TRPC7: variants seen among roughly 807,000 people sequenced by gnomAD.
TRPC7 encodes the protein transient receptor potential cation channel subfamily C member 7, also known as short transient receptor potential channel 7.
In TRPC7, 42 loss-of-function variants were observed where a neutral mutation model predicts 90.1. The observed-to-expected ratio is 0.47, with a 90% CI of 0.36 to 0.60. The LOEUF (loss-of-function observed/expected upper bound fraction) is 0.60. TRPC7 is among the 20% of genes least tolerant of loss of function. The pLI, the probability that TRPC7 is intolerant of heterozygous loss-of-function variation, is 0.00. For missense variants in TRPC7, 955 were observed against 1,112.3 expected, an observed-to-expected ratio of 0.86 and a Z score of 2.01; for synonymous variants, 451 against 436.3, an observed-to-expected ratio of 1.03 and a Z score of -0.42.
chr5:136,245,179 C>A (rs1194845934), intron 7 of TRPC7, among the ~76,000 whole-genome samples: 6 of 152,216 alleles, frequency 3.9e-5, no homozygotes. Flanking sequence ...AGACTGAAAC[C>A]TAGTCTGTCG....
chr5:136,250,327 T>C (rs1353798652), intron 6 of TRPC7, among the ~76,000 whole-genome samples: 1 of 152,238 alleles, frequency 6.6e-6, no homozygotes, highest in African/African-American at 2.4e-5. Context: ...TGCAGATCAT[T>C]GTTGTACCTG....
intron 7 of TRPC7, among the ~76,000 whole-genome samples, chr5:136,242,902 A>T (rs1756214824): frequency 6.6e-6 from 1 of 152,134 alleles, no homozygotes; most frequent in Non-Finnish European, 1.5e-5. Context: ...CATACTGTAT[A>T]TTTATTCACA....
At chr5:136,345,852 A>G (rs1455121543) in intron 2 of TRPC7, among the ~76,000 whole-genome samples, 1 of 152,128 alleles carries the variant, frequency 6.6e-6, no homozygotes, top group Non-Finnish European at 1.5e-5. Context: ...TTAAGTCTTT[A>G]ATCCATCTTG....
At chr5:136,330,609 G>A (rs1035885378) in intron 2 of TRPC7, among the ~76,000 whole-genome samples, 9 of 152,222 alleles carry the variant, frequency 5.9e-5, no homozygotes, top group African/African-American at 2.2e-4. Flanking sequence ...AGAAAGATGA[G>A]GGCCTCTTGT....
At chr5:136,290,412 A>C (rs1171725262) in intron 3 of TRPC7, among the ~76,000 whole-genome samples, 3 of 152,240 alleles carry the variant, frequency 2.0e-5, no homozygotes, top group African/African-American at 7.2e-5. Flanking sequence ...AGACGAATGG[A>C]TAACTAGAAT....
intron 3 of TRPC7, among the ~76,000 whole-genome samples, chr5:136,306,175 C>T (rs1315975555): frequency 6.6e-6 from 1 of 152,238 alleles, no homozygotes; most frequent in African/African-American, 2.4e-5. Context: ...CAACCTGCCA[C>T]TCTTAACTCT....
chr5:136,253,551 G>A (rs1756594448), intron 5 of TRPC7, among the ~76,000 whole-genome samples: 1 of 152,064 alleles, frequency 6.6e-6, no homozygotes, highest in Non-Finnish European at 1.5e-5. Context: ...TGTGACCAGT[G>A]GTCTTTGTGA....
chr5:136,235,745 G>A (rs751457403), intron 7 of TRPC7, among the ~76,000 whole-genome samples: 4 of 152,160 alleles, frequency 2.6e-5, no homozygotes, highest in Admixed American at 6.5e-5. Context: ...CTGGTCTTAA[G>A]ACTAGATATG....
At chr5:136,303,585 C>A (rs1758485484) in intron 3 of TRPC7, among the ~76,000 whole-genome samples, 1 of 152,106 alleles carries the variant, frequency 6.6e-6, no homozygotes, top group African/African-American at 2.4e-5. Context: ...GAGCTTGCTA[C>A]AAGTGCCAAA....
intron 3 of TRPC7, among the ~76,000 whole-genome samples, chr5:136,296,274 T>G (rs1324217401): frequency 6.6e-6 from 1 of 152,212 alleles, no homozygotes; most frequent in Admixed American, 6.6e-5. Context: ...ATAATCTTAA[T>G]AATACTCAGT....
At chr5:136,262,300 C>T (rs1261284258) in intron 5 of TRPC7, among the ~76,000 whole-genome samples, 1 of 152,200 alleles carries the variant, frequency 6.6e-6, no homozygotes. Context: ...TTCTCTTCTC[C>T]TCATTCATCT....
At position 136,357,328 on chromosome 5, in the gene TRPC7, C is replaced by T. The variant is rs570356363; in HGVS notation, c.60G>A (p.Lys20=). 1.7e-5 allele frequency: 27 copies of T among 1,606,664 alleles called. No individual in the cohort carries two copies. In the East Asian group the frequency reaches 2.5e-4, roughly 15 times the overall value. ...GACCCCGGATGGCCTGGCGACGGCC[C>T]TTCTCCCTCAGCGTTGTGTGCCGGC... ...MQRRHTTLRE[K]GRRQAIRGPA... Residue 20 remains lysine, a synonymous_variant, in exon 2 of 12, where the codon AAG becomes AAA. Transcript: ENST00000513104.
intron 3 of TRPC7, among the ~76,000 whole-genome samples, chr5:136,291,543 G>A (rs1757951952): frequency 6.6e-6 from 1 of 152,180 alleles, no homozygotes; most frequent in Admixed American, 6.5e-5. Context: ...AAGAGGCAAA[G>A]AAGGCCATTA....
chr5:136,265,545 C>T (rs1193464042), intron 5 of TRPC7, among the ~76,000 whole-genome samples: 1 of 152,052 alleles, frequency 6.6e-6, no homozygotes, highest in African/African-American at 2.4e-5. Context: ...CAATTTTAGT[C>T]ACTGCCAGTT....
At chr5:136,360,393 C>G (rs1760532497) in intron 1 of TRPC7, among the ~76,000 whole-genome samples, 1 of 152,106 alleles carries the variant, frequency 6.6e-6, no homozygotes, top group East Asian at 1.9e-4. Context: ...ATCTTAAGTC[C>G]TAAGACTTTG....
chr5:136,220,032 A>G (rs774764849), intron 10 of TRPC7, among the ~76,000 whole-genome samples: 11 of 152,336 alleles, frequency 7.2e-5, no homozygotes, highest in South Asian at 6.2e-4. Context: ...CTTTCCTAAT[A>G]ATACTTTAAC....
intron 4 of TRPC7, among the ~76,000 whole-genome samples, chr5:136,267,645 T>C (rs1757076152): frequency 6.6e-6 from 1 of 152,254 alleles, no homozygotes; most frequent in Non-Finnish European, 1.5e-5. Flanking sequence ...TTTAATGTGC[T>C]TCAGTATGTT....
At chr5:136,263,446 G>A (rs1580876557) in intron 5 of TRPC7, among the ~76,000 whole-genome samples, 1 of 152,268 alleles carries the variant, frequency 6.6e-6, no homozygotes, top group South Asian at 2.1e-4. Context: ...ATTTCAAGAT[G>A]CAGGAAAAGG....
chr5:136,356,986 G>A lies in TRPC7; in HGVS notation c.402C>T (p.Gly134=), dbSNP rs752251150. The change falls in exon 2 of 12, where the codon GGC becomes GGT. Residue 134 remains glycine (G), a synonymous_variant. Coordinates refer to ENST00000513104, the MANE Select transcript of TRPC7 (RefSeq NM_020389.3). ...AILNHPAFAQ[G]QRLTLSPLEQ... is the part of the protein sequence containing the mutation. ...CCAGCGGGCTGAGCGTCAGGCGCTG[G>A]CCCTGCGCGAAGGCCGGGTGGTTGA... 6 of 1,612,296 alleles carry A rather than the reference G, an allele frequency of 3.7e-6. No homozygotes were observed. The East Asian group carries it at 1.3e-4, about 36-fold the overall frequency.
Sources: gnomAD v4.1 joint callset for allele counts (sites outside exome capture counted in the v4.1 genomes callset) on GRCh38, gnomAD v4.1.1 for gene constraint, MANE v1.5 for transcripts, NCBI Gene and HGNC (gene_info 2026-07-23, HGNC 2026-07-21) for gene names.